The following ABCB1 variants were observed in gnomAD, a reference collection of about 807,000 sequenced individuals.
The protein encoded by ABCB1 is ATP-dependent translocase ABCB1.
In ABCB1, 69 loss-of-function variants were observed where a neutral mutation model predicts 142.0. The ratio of observed to expected loss-of-function variants is 0.49; its 90% CI spans 0.40 to 0.59. ABCB1 has a LOEUF of 0.59. Ranked by LOEUF, ABCB1 falls within the 20% of genes least tolerant of loss-of-function variation. The probability of loss-of-function intolerance (pLI) is 0.00; values close to 1 mark genes in which losing one functional copy is unlikely to be tolerated. For synonymous variants in ABCB1, 532 were observed against 539.2 expected, an observed-to-expected ratio of 0.99 and a Z score of 0.18; for missense variants, 1,326 against 1,554.7, an observed-to-expected ratio of 0.85 and a Z score of 2.47.
At chr7:87,546,580 A>T (rs1816794602) in intron 14 of ABCB1, among the ~76,000 whole-genome samples, 1 of 136,392 alleles carries the variant, frequency 7.3e-6, no homozygotes, top group South Asian at 2.2e-4. Context: ...AAAAATAAAA[A>T]AATAATAATA....
intron 1 of ABCB1, among the ~76,000 whole-genome samples, chr7:87,669,627 A>G (rs1381463549): frequency 1.3e-5 from 2 of 152,076 alleles, no homozygotes; most frequent in Non-Finnish European, 2.9e-5. Context: ...TCCTTTCTAT[A>G]TAGTGCTCCT....
intron 1 of ABCB1, among the ~76,000 whole-genome samples, chr7:87,712,163 C>T (rs1015766473): frequency 1.3e-5 from 2 of 151,702 alleles, no homozygotes; most frequent in Admixed American, 1.3e-4. Flanking sequence ...TAAGTTTGAC[C>T]AGGATAGAAA....
chr7:87,710,641 C>T, intron 1 of ABCB1: 1 of 1,582,686 alleles, frequency 6.3e-7, no homozygotes, highest in Middle Eastern at 1.8e-4. Context: ...CTCTGAGAGA[C>T]TTCAAAACAA....
At chr7:87,681,430 A>G (rs1826916969) in intron 1 of ABCB1, among the ~76,000 whole-genome samples, 1 of 150,808 alleles carries the variant, frequency 6.6e-6, no homozygotes, top group African/African-American at 2.5e-5. Flanking sequence ...CTAATTCAAT[A>G]AAGTAAATAT....
intron 25 of ABCB1, among the ~76,000 whole-genome samples, chr7:87,512,922 T>C: frequency 6.6e-6 from 1 of 152,252 alleles, no homozygotes; most frequent in East Asian, 1.9e-4. Context: ...TATACTTCTG[T>C]GTCTGACCTT....
chr7:87,653,302 C>A (rs1038307548), intron 1 of ABCB1, among the ~76,000 whole-genome samples: 1 of 152,030 alleles, frequency 6.6e-6, no homozygotes, highest in Admixed American at 6.6e-5. Flanking sequence ...AAAGCCACTG[C>A]AAAAGCTGGA....
chr7:87,506,450 C>T (rs1241896571), intron 26 of ABCB1, among the ~76,000 whole-genome samples: 1 of 152,156 alleles, frequency 6.6e-6, no homozygotes, highest in African/African-American at 2.4e-5. Flanking sequence ...ACACTCTCTG[C>T]ATGATTTTAA....
intron 23 of ABCB1, among the ~76,000 whole-genome samples, chr7:87,517,239 G>A (rs1428785795): frequency 6.6e-6 from 1 of 152,054 alleles, no homozygotes; most frequent in African/African-American, 2.4e-5. Flanking sequence ...CTTTGAATCT[G>A]GGCTGGCCTT....
chr7:87,644,788 A>G lies in ABCB1; in HGVS notation c.-330-43710T>C, dbSNP rs1035644121. ...GGATATATATATATTAATGCAGAACATTAAATATTAAAGATGAATTTTCAC... is the reference window on the plus strand; with the variant it reads ...GGATATATATATATTAATGCAGAACGTTAAATATTAAAGATGAATTTTCAC... On this transcript the variant is annotated intron_variant, in intron 1 of 28. Transcript: ENST00000265724. 2.0e-5 allele frequency among the ~76,000 whole-genome samples: 3 copies of G among 152,106 alleles called. No individual in the cohort carries two copies. In the East Asian group the frequency reaches 5.8e-4, roughly 29 times the overall value.
intron 1 of ABCB1, among the ~76,000 whole-genome samples, chr7:87,613,561 GC>G (rs1819933005): frequency 6.6e-6 from 1 of 152,064 alleles, no homozygotes; most frequent in African/African-American, 2.4e-5. Context: ...CATGTCTTTT[GC>G]TGCAACAAGG....
intron 5 of ABCB1, 107 bp from the exon 6 acceptor site, chr7:87,567,083 A>G (rs900000923): frequency 2.0e-6 from 2 of 1,017,536 alleles, no homozygotes; most frequent in Non-Finnish European, 3.0e-6. Flanking sequence ...GTATCTCGCC[A>G]TCCTTAACAA....
chr7:87,558,011 A>G (rs1817376073), intron 8 of ABCB1, among the ~76,000 whole-genome samples: 2 of 152,204 alleles, frequency 1.3e-5, no homozygotes, highest in Admixed American at 6.5e-5. Flanking sequence ...CAGAACTTGC[A>G]TGTCTCAGTC....
intron 1 of ABCB1, among the ~76,000 whole-genome samples, chr7:87,674,448 G>T (rs935666529): frequency 6.6e-6 from 1 of 152,114 alleles, no homozygotes; most frequent in South Asian, 2.1e-4. Flanking sequence ...GGGAATAATG[G>T]CAGGGTACAC....
At chr7:87,545,801 A>T in intron 15 of ABCB1, 62 bp downstream of exon 15, 1 of 1,541,272 alleles carries the variant, frequency 6.5e-7, no homozygotes, top group Non-Finnish European at 8.9e-7. Context: ...TATTTTTAGC[A>T]TTAAATGCAA....
chr7:87,568,627 A>G (rs1274890912), intron 5 of ABCB1, among the ~76,000 whole-genome samples: 1 of 152,228 alleles, frequency 6.6e-6, no homozygotes, highest in Non-Finnish European at 1.5e-5. Flanking sequence ...TGCTGTTCAC[A>G]ATTCAGCACT....
chr7:87,570,717 A>G (rs1288854288), intron 4 of ABCB1, among the ~76,000 whole-genome samples: 1 of 152,210 alleles, frequency 6.6e-6, no homozygotes, highest in Non-Finnish European at 1.5e-5. Context: ...ACATTTTTGG[A>G]TAAAAAGTAC....
intron 1 of ABCB1, among the ~76,000 whole-genome samples, chr7:87,647,001 T>A (rs1823071600): frequency 6.6e-6 from 1 of 152,196 alleles, no homozygotes; most frequent in Non-Finnish European, 1.5e-5. Context: ...GATAATACTA[T>A]GTAGTTGAAC....
rs28381759 is a variant in ABCB1 at position 87,649,359 on chromosome 7, T to G, written c.-330-48281A>C. ...ACAACGTTCAAAGCATTGTCCTAGG[T>G]GCTGAGGGAGATACATAGTTCAGAA... On this transcript the variant is annotated intron_variant, in intron 1 of 28. Coordinates refer to the ABCB1 transcript ENST00000265724. Among the ~76,000 whole-genome samples, 302 of 152,298 alleles carry G rather than the reference T, an allele frequency of 2.0e-3. 1 individual carries two copies. The highest frequency in any genetic ancestry group is 3.3e-3 in the Non-Finnish European group (222 of 68,030).
At chr7:87,523,094 CAAAG>C (rs1815594864) in intron 21 of ABCB1, among the ~76,000 whole-genome samples, 1 of 151,968 alleles carries the variant, frequency 6.6e-6, no homozygotes, top group Non-Finnish European at 1.5e-5. Flanking sequence ...ATTAATAAGT[CAAAG>C]AAAACTAACT....
Sources: gnomAD v4.1 joint callset for allele counts (sites outside exome capture counted in the v4.1 genomes callset) on GRCh38, gnomAD v4.1.1 for gene constraint, MANE v1.5 for transcripts, NCBI Gene and HGNC (gene_info 2026-07-23, HGNC 2026-07-21) for gene names.